The following SEMA6D variants were observed in gnomAD, a reference collection of about 807,000 sequenced individuals.
The protein encoded by SEMA6D is semaphorin-6D.
A neutral mutation model predicts 106.6 loss-of-function variants in SEMA6D; 35 were observed. The observed-to-expected ratio is 0.33, with a 90% CI of 0.25 to 0.44. The LOEUF (loss-of-function observed/expected upper bound fraction) is 0.44. SEMA6D is among the 20% of genes least tolerant of loss of function. The pLI is 1.00. For missense variants in SEMA6D, 1,185 were observed against 1,345.9 expected, an observed-to-expected ratio of 0.88 and a Z score of 1.87; for synonymous variants, 499 against 487.7, an observed-to-expected ratio of 1.02 and a Z score of -0.31.
At chr15:47,487,030 C>T (rs2043315519) in intron 3 of SEMA6D, among the ~76,000 whole-genome samples, 1 of 151,994 alleles carries the variant, frequency 6.6e-6, no homozygotes, top group Non-Finnish European at 1.5e-5. Context: ...TCTAGTGAGG[C>T]AAGGCAATAT....
At chr15:47,696,106 T>C (rs1248272433) in intron 4 of SEMA6D, among the ~76,000 whole-genome samples, 1 of 151,336 alleles carries the variant, frequency 6.6e-6, no homozygotes, top group Non-Finnish European at 1.5e-5. Flanking sequence ...CTTAACGCGC[T>C]TCCTTGACCT....
chr15:47,683,976 C>A (rs1301562479), intron 4 of SEMA6D, among the ~76,000 whole-genome samples: 1 of 152,160 alleles, frequency 6.6e-6, no homozygotes, highest in Non-Finnish European at 1.5e-5. Context: ...AATAAAGAGG[C>A]AGGATTCTTT....
intron 4 of SEMA6D, among the ~76,000 whole-genome samples, chr15:47,660,912 T>A (rs897846145): frequency 2.6e-5 from 4 of 152,286 alleles, no homozygotes; most frequent in African/African-American, 9.6e-5. Flanking sequence ...TTAATAAAGT[T>A]AGGTTTTGGA....
intron 3 of SEMA6D, among the ~76,000 whole-genome samples, chr15:47,481,988 C>T (rs146010791): frequency 0.012 from 1,760 of 152,182 alleles, 35 homozygotes; most frequent in African/African-American, 0.041. Flanking sequence ...ATTTCAGGTA[C>T]AGCATGCAAC....
chr15:47,301,605 T>C (rs1389722303), intron 1 of SEMA6D, among the ~76,000 whole-genome samples: 1 of 152,244 alleles, frequency 6.6e-6, no homozygotes, highest in East Asian at 1.9e-4. Flanking sequence ...TGATCTAAGC[T>C]CATTGCTGCC....
intron 3 of SEMA6D, among the ~76,000 whole-genome samples, chr15:47,488,975 T>G (rs998437098): frequency 1.3e-5 from 2 of 152,158 alleles, no homozygotes; most frequent in East Asian, 3.8e-4. Context: ...CAAGAAGATA[T>G]GTCCAAATCC....
chr15:47,751,480 A>G (rs547824466), intron 1 of SEMA6D, among the ~76,000 whole-genome samples: 2 of 152,318 alleles, frequency 1.3e-5, no homozygotes, highest in East Asian at 3.9e-4. Context: ...CATTGACTAC[A>G]GTAAGAGCAG....
intron 1 of SEMA6D, among the ~76,000 whole-genome samples, chr15:47,392,102 C>T (rs2040055562): frequency 6.6e-6 from 1 of 152,052 alleles, no homozygotes; most frequent in African/African-American, 2.4e-5. Flanking sequence ...TCACCATTTC[C>T]ACCAACCACT....
chr15:47,761,154 A>G lies in SEMA6D; in HGVS notation c.283-4A>G. ...ACTGCTTTGGTTTTGCTTGATTAAT[A>G]CAGAAACTGACATGGCGATCAAGAC... is the stretch of plus-strand genomic sequence containing the variant. On this transcript the variant is annotated splice_region_variant and splice_polypyrimidine_tract_variant and intron_variant, in intron 4 of 18. Coordinates refer to ENST00000536845, the MANE Select transcript of SEMA6D (RefSeq NM_001358351.3). The G allele has an allele frequency of 6.2e-7, 1 of 1,613,744 alleles. No homozygotes were observed. Among genetic ancestry groups the G allele is most frequent in the Admixed American group, 1.7e-5 (1 of 60,000 alleles).
At chr15:47,276,815 G>T (rs1202247419) in intron 1 of SEMA6D, among the ~76,000 whole-genome samples, 2 of 152,124 alleles carry the variant, frequency 1.3e-5, no homozygotes, top group African/African-American at 4.8e-5. Context: ...GGATATAGCT[G>T]CCTTAGACAG....
intron 4 of SEMA6D, among the ~76,000 whole-genome samples, chr15:47,617,471 G>A (rs556679359): frequency 2.2e-4 from 33 of 152,228 alleles, no homozygotes; most frequent in African/African-American, 7.5e-4. Flanking sequence ...CACAAACAAA[G>A]TTTGATTTGC....
At chr15:47,715,250 G>C (rs989671330), upstream of SEMA6D, among the ~76,000 whole-genome samples, 1 of 152,184 alleles carries the variant, frequency 6.6e-6, no homozygotes, top group Non-Finnish European at 1.5e-5. Context: ...AAGGTAGGGA[G>C]AGGGGGGAGT....
intron 4 of SEMA6D, among the ~76,000 whole-genome samples, chr15:47,632,292 A>T (rs1476743798): frequency 6.6e-6 from 1 of 151,922 alleles, no homozygotes; most frequent in Non-Finnish European, 1.5e-5. Flanking sequence ...GTTTTGGGAT[A>T]GAGTGTTCTC....
chr15:47,490,909 T>G (rs1199411831), intron 3 of SEMA6D, among the ~76,000 whole-genome samples: 3 of 152,196 alleles, frequency 2.0e-5, no homozygotes, highest in Non-Finnish European at 4.4e-5. Flanking sequence ...ACAATTTTAC[T>G]TCCTTTCAAC....
chr15:47,761,798 G>A (rs760381454), intron 7 of SEMA6D, 47 bp downstream of exon 7: 1 of 1,452,886 alleles, frequency 6.9e-7, no homozygotes, highest in Admixed American at 2.0e-5. Flanking sequence ...TGACATTGAA[G>A]GTGAAAAAGG....
At chr15:47,213,337 A>T (rs906509754) in intron 1 of SEMA6D, among the ~76,000 whole-genome samples, 1 of 152,206 alleles carries the variant, frequency 6.6e-6, no homozygotes, top group Non-Finnish European at 1.5e-5. Context: ...TTTACATTTT[A>T]TTCATTTTAA....
intron 3 of SEMA6D, among the ~76,000 whole-genome samples, chr15:47,511,010 G>A (rs1286742609): frequency 6.6e-6 from 1 of 152,224 alleles, no homozygotes; most frequent in Non-Finnish European, 1.5e-5. Context: ...AAATCTGGGT[G>A]TATAATAGGT....
intron 4 of SEMA6D, among the ~76,000 whole-genome samples, chr15:47,658,250 A>C (rs556671431): frequency 1.5e-4 from 23 of 152,268 alleles, no homozygotes; most frequent in African/African-American, 5.5e-4. Flanking sequence ...TATCCTTTGA[A>C]CAACAGAAGT....
rs1266035982 is a variant in SEMA6D at position 47,369,829 on chromosome 15, G to A, written c.-238-42564G>A. ...AGTAAGCAGTCACATTTTTTCATGA[G>A]GCATCTACTGCAAAATAAATATGAA... On this transcript the variant is annotated intron_variant, in intron 1 of 19. Transcript: ENST00000558014. Among the ~76,000 whole-genome samples the A allele has an allele frequency of 3.3e-5, 5 of 152,148 alleles. No homozygotes were observed. The East Asian group carries it at 5.8e-4, about 18-fold the overall frequency.
Sources: gnomAD v4.1 joint callset for allele counts (sites outside exome capture counted in the v4.1 genomes callset) on GRCh38, gnomAD v4.1.1 for gene constraint, MANE v1.5 for transcripts, NCBI Gene and HGNC (gene_info 2026-07-23, HGNC 2026-07-21) for gene names.